Variants in NHERF1 observed in about 807,000 individuals in gnomAD.
NHERF1 encodes Na(+)/H(+) exchange regulatory cofactor NHE-RF1.
At chr17:74,755,659 C>T in the NHERF1 span, among the ~76,000 whole-genome samples, 11 of 152,116 alleles carry the variant, frequency 7.2e-5, no homozygotes, top group Non-Finnish European at 1.6e-4. Context: ...GTGCTAAGGT[C>T]AGGGGAACAG....
At chr17:74,752,642 C>T in the NHERF1 span, among the ~76,000 whole-genome samples, 1 of 152,172 alleles carries the variant, frequency 6.6e-6, no homozygotes, top group South Asian at 2.1e-4. Flanking sequence ...TACAGGCATG[C>T]ACCACTATTC....
chr17:74,762,169 T>C, the NHERF1 span: 1 of 1,614,002 alleles, frequency 6.2e-7, no homozygotes, highest in South Asian at 1.1e-5. The surrounding 1 kb of genome is among the most constrained non-coding windows in gnomAD (Gnocchi z 4.2). Flanking sequence ...GATCGCATTG[T>C]GGAGGTGATG....
the NHERF1 span, chr17:74,763,382 A>G: frequency 6.2e-7 from 1 of 1,613,978 alleles, no homozygotes; most frequent in East Asian, 2.2e-5. Context: ...CGGGGTCTGC[A>G]TGGAGGGGAA....
At chr17:74,767,354 T>TC in the NHERF1 span, among the ~76,000 whole-genome samples, 21 of 151,776 alleles carry the variant, frequency 1.4e-4, no homozygotes, top group African/African-American at 4.6e-4. Flanking sequence ...AAGCCCCTCC[T>TC]CCCCCCTTCC....
chr17:74,766,498 T>C, the NHERF1 span, among the ~76,000 whole-genome samples: 5 of 151,836 alleles, frequency 3.3e-5, no homozygotes, highest in African/African-American at 1.2e-4. Context: ...CCACTATGCC[T>C]GGCCCAGACA....
chr17:74,758,071 T>C, the NHERF1 span, among the ~76,000 whole-genome samples: 6 of 151,974 alleles, frequency 3.9e-5, no homozygotes, highest in Non-Finnish European at 5.9e-5. The surrounding 1 kb of genome is among the most constrained non-coding windows in gnomAD (Gnocchi z 4.3). Context: ...CAATGGGGCG[T>C]TGGCCCCCAG....
chr17:74,768,793 G>A, the NHERF1 span: 1 of 747,262 alleles, frequency 1.3e-6, no homozygotes, highest in Non-Finnish European at 2.2e-6. Flanking sequence ...GATTTTTCTA[G>A]AGAACTATGT....
the NHERF1 span, among the ~76,000 whole-genome samples, chr17:74,760,385 G>T: frequency 6.6e-6 from 1 of 152,302 alleles, no homozygotes; most frequent in South Asian, 2.1e-4. The surrounding 1 kb of genome is among the most constrained non-coding windows in gnomAD (Gnocchi z 4.5). Flanking sequence ...CGTCTTTGTT[G>T]TTGGGGTGAG....
the NHERF1 span, among the ~76,000 whole-genome samples, chr17:74,764,018 A>C: frequency 1.3e-5 from 2 of 152,100 alleles, no homozygotes; most frequent in Non-Finnish European, 2.9e-5. This position sits in a 1 kb window ranked among gnomAD's most constrained non-coding sequence, Gnocchi z 4.9. Context: ...GTCCCCCTTC[A>C]ATCCCTGGGC....
chr17:74,757,285 A>G, the NHERF1 span, among the ~76,000 whole-genome samples: 128 of 152,290 alleles, frequency 8.4e-4, no homozygotes, highest in Admixed American at 1.9e-3. Flanking sequence ...CTCCAGGGAA[A>G]GCTCTTCCCA....
chr17:74,756,250 AT>A, the NHERF1 span, among the ~76,000 whole-genome samples: 2 of 97,876 alleles, frequency 2.0e-5, no homozygotes, highest in African/African-American at 3.9e-5. Flanking sequence ...CACCTGGCCT[AT>A]TTTTCTTTTC....
chr17:74,749,363 C>G, the NHERF1 span: 1 of 1,334,172 alleles, frequency 7.5e-7, no homozygotes, highest in Non-Finnish European at 9.9e-7. The surrounding 1 kb of genome is among the most constrained non-coding windows in gnomAD (Gnocchi z 5.6). Flanking sequence ...CCCCGGCCGT[C>G]CAGCCCCGCG....
chr17:74,762,236 G>A, the NHERF1 span: 1 of 1,585,790 alleles, frequency 6.3e-7, no homozygotes. The surrounding 1 kb of genome is among the most constrained non-coding windows in gnomAD (Gnocchi z 4.2). Flanking sequence ...GCAGCACCTG[G>A]GGCAGCCATC....
chr17:74,749,283 A>G, the NHERF1 span: 3 of 1,528,766 alleles, frequency 2.0e-6, no homozygotes, highest in Non-Finnish European at 2.6e-6. The surrounding 1 kb of genome is among the most constrained non-coding windows in gnomAD (Gnocchi z 5.6). Flanking sequence ...AGCCACCCGG[A>G]GCAGGTAAGC....
the NHERF1 span, chr17:74,767,086 G>T: frequency 1.0e-6 from 1 of 977,396 alleles, no homozygotes; most frequent in East Asian, 2.4e-5. Flanking sequence ...CAAAACCCCA[G>T]GGTCCCCAGT....
the NHERF1 span, among the ~76,000 whole-genome samples, chr17:74,757,457 G>A: frequency 5.3e-5 from 8 of 152,092 alleles, no homozygotes; most frequent in African/African-American, 1.7e-4. Context: ...GGGCCACTAC[G>A]CAGGGGGCCA....
At chr17:74,751,586 G>A in the NHERF1 span, among the ~76,000 whole-genome samples, 4 of 152,222 alleles carry the variant, frequency 2.6e-5, 1 homozygote, top group Admixed American at 1.3e-4. This position sits in a 1 kb window ranked among gnomAD's most constrained non-coding sequence, Gnocchi z 4.3. Context: ...GGCCATCCCC[G>A]CTGGGGAGTC....
the NHERF1 span, chr17:74,762,233 C>T: frequency 7.1e-7 from 1 of 1,411,112 alleles, no homozygotes; most frequent in Non-Finnish European, 9.5e-7. The surrounding 1 kb of genome is among the most constrained non-coding windows in gnomAD (Gnocchi z 4.2). Context: ...TCAGCAGCAC[C>T]TGGGGCAGCC....
At chr17:74,762,247 A>G in the NHERF1 span, 3 of 1,540,456 alleles carry the variant, frequency 1.9e-6, no homozygotes, top group Non-Finnish European at 2.7e-6. This position sits in a 1 kb window ranked among gnomAD's most constrained non-coding sequence, Gnocchi z 4.2. Flanking sequence ...GGCAGCCATC[A>G]TACCATCATG....
Sources: gnomAD v4.1 joint callset for allele counts (sites outside exome capture counted in the v4.1 genomes callset) on GRCh38, gnomAD v4.1.1 for gene constraint, Gnocchi (gnomAD v3.1) non-coding constraint, MANE v1.5 for transcripts, NCBI Gene and HGNC (gene_info 2026-07-23, HGNC 2026-07-21) for gene names.